Variants in SULT2B1 observed in about 807,000 individuals in gnomAD.
The protein encoded by SULT2B1 is sulfotransferase family 2B member 1.
A neutral mutation model predicts 33.2 loss-of-function variants in SULT2B1; 16 were observed. The ratio of observed to expected loss-of-function variants is 0.48; its 90% confidence interval spans 0.33 to 0.73. The LOEUF (loss-of-function observed/expected upper bound fraction) is 0.73, where lower values mean the gene tolerates loss of function less well. Among genes scored for constraint, SULT2B1 ranks in the 30% least tolerant of loss-of-function variants. The pLI, the probability that SULT2B1 is intolerant of heterozygous loss-of-function variation, is 0.02. For synonymous variants in SULT2B1, 186 were observed against 200.5 expected, an observed-to-expected ratio of 0.93 and a Z score of 0.61; for missense variants, 500 against 506.0, an observed-to-expected ratio of 0.99 and a Z score of 0.11.
intron 1 of SULT2B1, among the ~76,000 whole-genome samples, chr19:48,559,170 T>C (rs1973142611): frequency 6.6e-6 from 1 of 152,012 alleles, no homozygotes; most frequent in South Asian, 2.1e-4. Context: ...TCCCTCCTTC[T>C]CCACCCAGCC....
intron 2 of SULT2B1, among the ~76,000 whole-genome samples, chr19:48,582,344 C>A (rs550452879): frequency 6.6e-6 from 1 of 152,164 alleles, no homozygotes; most frequent in South Asian, 2.1e-4. Context: ...CTTGCTTAAC[C>A]AGTTTCCTAG....
intron 1 of SULT2B1, among the ~76,000 whole-genome samples, chr19:48,566,307 C>A (rs756699683): frequency 7.9e-5 from 12 of 152,000 alleles, no homozygotes; most frequent in Non-Finnish European, 1.6e-4. Context: ...AGTGATCTTC[C>A]CACTTTGCTT....
At chr19:48,590,134 C>A (rs1357384728) in intron 3 of SULT2B1, among the ~76,000 whole-genome samples, 1 of 151,918 alleles carries the variant, frequency 6.6e-6, no homozygotes, top group Non-Finnish European at 1.5e-5. Context: ...ATTACAGGCG[C>A]CCACCACCAT....
At chr19:48,564,644 C>G (rs1030354718) in intron 1 of SULT2B1, among the ~76,000 whole-genome samples, 1 of 151,520 alleles carries the variant, frequency 6.6e-6, no homozygotes, top group African/African-American at 2.4e-5. Flanking sequence ...ATGCCCACCA[C>G]CACTAAAATT....
At chr19:48,590,240 T>C (rs1040546922) in intron 3 of SULT2B1, among the ~76,000 whole-genome samples, 14 of 151,928 alleles carry the variant, frequency 9.2e-5, no homozygotes, top group Admixed American at 2.0e-4. Flanking sequence ...CCACCCGCCT[T>C]AGCCTCCCAA....
rs1114167424 is a variant in SULT2B1, at chr19:48,591,631, C to G, written c.446C>G (p.Pro149Arg). The G allele has an allele frequency of 3.1e-6, 5 of 1,613,352 alleles. No homozygotes were observed. The Admixed American group carries it at 8.3e-5, about 27-fold the overall frequency. The change falls in exon 4 of 7, where the codon CCC becomes CGC. Residue 149 changes from proline (P) to arginine (R), a missense_variant. Coordinates refer to ENST00000201586, the MANE Select transcript of SULT2B1 (RefSeq NM_177973.2). ...CAGGTGATCTACATGGGCCGCAACCCCCGGGACGTTGTGGTCTCCCTCTAT... is the reference window on the plus strand; with the variant it reads ...CAGGTGATCTACATGGGCCGCAACCGCCGGGACGTTGTGGTCTCCCTCTAT... ...KAKVIYMGRN[P>R]RDVVVSLYHY...
intron 1 of SULT2B1, among the ~76,000 whole-genome samples, chr19:48,573,922 C>T (rs967200506): frequency 2.3e-4 from 35 of 152,234 alleles, no homozygotes; most frequent in African/African-American, 6.3e-4. Context: ...AGTGCAGTGG[C>T]GCAATCTCAG....
At chr19:48,591,357 G>C in intron 3 of SULT2B1, 1 of 333,842 alleles carries the variant, frequency 3.0e-6, no homozygotes, top group Non-Finnish European at 5.6e-6. Flanking sequence ...TGTAGTCCCA[G>C]CTACTCAGGA....
chr19:48,558,058 C>A (rs60571931), intron 1 of SULT2B1, among the ~76,000 whole-genome samples: 36,870 of 152,126 alleles, frequency 0.24, 4,752 homozygotes, highest in East Asian at 0.44. Flanking sequence ...AACATCCTTG[C>A]AGTTGTTCTC....
chr19:48,582,813 A>G (rs1319943472), intron 2 of SULT2B1, among the ~76,000 whole-genome samples: 1 of 151,864 alleles, frequency 6.6e-6, no homozygotes, highest in African/African-American at 2.4e-5. Context: ...AATGCACTCC[A>G]GTCTGGGCAA....
intron 1 of SULT2B1, among the ~76,000 whole-genome samples, chr19:48,560,408 T>C (rs540963075): frequency 6.6e-6 from 1 of 151,508 alleles, no homozygotes; most frequent in Non-Finnish European, 1.5e-5. Context: ...ATAACCCTCA[T>C]GCCAGAGAAA....
intron 1 of SULT2B1, among the ~76,000 whole-genome samples, chr19:48,567,235 A>C (rs1321751047): frequency 6.6e-6 from 1 of 151,924 alleles, no homozygotes; most frequent in African/African-American, 2.4e-5. Flanking sequence ...TTATGTTTCT[A>C]GGGGGTCAGG....
chr19:48,588,896 C>A (rs1248519944), intron 3 of SULT2B1, among the ~76,000 whole-genome samples: 1 of 152,004 alleles, frequency 6.6e-6, no homozygotes, highest in East Asian at 1.9e-4. Flanking sequence ...GCCAAGTGAG[C>A]AAGTGGGGAA....
At chr19:48,559,705 G>T (rs1038682919) in intron 1 of SULT2B1, among the ~76,000 whole-genome samples, 2 of 152,196 alleles carry the variant, frequency 1.3e-5, no homozygotes, top group Non-Finnish European at 2.9e-5. Context: ...GCTGAGAAGG[G>T]AGACCCTCGC....
intron 1 of SULT2B1, among the ~76,000 whole-genome samples, chr19:48,566,180 T>TC (rs1973241558): frequency 6.6e-6 from 1 of 152,030 alleles, no homozygotes; most frequent in Non-Finnish European, 1.5e-5. Flanking sequence ...TGCCTTGGCC[T>TC]CCCAAAGTGC....
chr19:48,589,510 G>T (rs1332800954), intron 3 of SULT2B1, among the ~76,000 whole-genome samples: 1 of 152,116 alleles, frequency 6.6e-6, no homozygotes, highest in African/African-American at 2.4e-5. Flanking sequence ...GGGTGATATC[G>T]CCAAGGAATT....
intron 6 of SULT2B1, among the ~76,000 whole-genome samples, chr19:48,598,531 C>T (rs921525145): frequency 6.6e-6 from 1 of 151,964 alleles, no homozygotes; most frequent in African/African-American, 2.4e-5. Context: ...TTGCAGTGAG[C>T]CGTGATCACA....
intron 2 of SULT2B1, among the ~76,000 whole-genome samples, chr19:48,579,804 AC>A (rs1189343381): frequency 1.3e-5 from 2 of 150,494 alleles, no homozygotes; most frequent in African/African-American, 2.4e-5. Flanking sequence ...ACGGGGTTTC[AC>A]CATGTTGGCC....
chr19:48,568,371 G>T (rs1337365105), intron 1 of SULT2B1, among the ~76,000 whole-genome samples: 1 of 152,088 alleles, frequency 6.6e-6, no homozygotes, highest in Non-Finnish European at 1.5e-5. Context: ...CGGGGTGGGA[G>T]GTCTCTTGCT....
Sources: gnomAD v4.1 joint callset for allele counts (sites outside exome capture counted in the v4.1 genomes callset) on GRCh38, gnomAD v4.1.1 for gene constraint, MANE v1.5 for transcripts, NCBI Gene and HGNC (gene_info 2026-07-23, HGNC 2026-07-21) for gene names.